Variants in MCC observed in about 807,000 individuals in gnomAD.
MCC encodes the protein MCC regulator of Wnt signaling pathway, also known as colorectal mutant cancer protein.
In MCC, 90 loss-of-function variants were observed where a neutral mutation model predicts 116.2. That is an observed-to-expected ratio of 0.77 (90% CI 0.65 to 0.92). The LOEUF is 0.92. MCC is among the 40% of genes least tolerant of loss of function. MCC has a pLI of 0.00. For missense variants in MCC, 1,516 were observed against 1,312.2 expected, an observed-to-expected ratio of 1.16 and a Z score of -2.40; for synonymous variants, 578 against 510.5, an observed-to-expected ratio of 1.13 and a Z score of -1.78.
intron 1 of MCC, among the ~76,000 whole-genome samples, chr5:113,407,391 G>C (rs963331553): frequency 6.6e-6 from 1 of 152,128 alleles, no homozygotes; most frequent in African/African-American, 2.4e-5. Context: ...TCCTACCTTT[G>C]CTATTTTCTA....
Position 113,023,250 on chromosome 5 carries a change from A to AG in MCC, c.*4051_*4052insC, listed in dbSNP as rs758389379. On this transcript the variant is annotated 3_prime_UTR_variant, in exon 19 of 19. Transcript: ENST00000408903. ...TGAACATAAGATTTGTAGGATGTGG[A>AG]TAAACTTTAAGAACTGGATAGTGAA... The AG allele has an allele frequency of 6.6e-6, 1 of 152,366 alleles. No individual in the cohort carries two copies. Among genetic ancestry groups the AG allele is most frequent in the Non-Finnish European group, 1.5e-5 (1 of 68,022 alleles). 9.4% of individuals were successfully genotyped at this position (152,366 alleles called of 1,614,324 possible).
chr5:113,026,459 G>C lies in MCC; in HGVS notation c.*843C>G, dbSNP rs1026281665. ...GTGCTAATAATGTTTCTCAGCTCTT[G>C]AAGAAACCCCTGACAGAATTTTAGT... On this transcript the variant is annotated 3_prime_UTR_variant, in exon 19 of 19. Transcript: ENST00000408903. 6.6e-6 allele frequency: 1 copy of C among 152,220 alleles called. No individual in the cohort carries two copies. Among genetic ancestry groups the C allele is most frequent in the African/African-American group, 2.4e-5 (1 of 41,452 alleles). 9.4% of individuals were successfully genotyped at this position (152,220 alleles called of 1,614,324 possible). A position where few individuals can be genotyped will look rare whatever the true frequency, so the allele number is the denominator to read the frequency against.
chr5:113,145,768 AC>A, intron 4 of MCC, among the ~76,000 whole-genome samples: 1 of 23,580 alleles, frequency 4.2e-5, no homozygotes, highest in South Asian at 1.5e-3. Flanking sequence ...ACACACACAC[AC>A]ACACACACAC....
chr5:113,227,571 T>C (rs1449240411), intron 3 of MCC, among the ~76,000 whole-genome samples: 1 of 152,224 alleles, frequency 6.6e-6, no homozygotes, highest in Non-Finnish European at 1.5e-5. Context: ...TGTACTTTAA[T>C]GATTTATAGA....
intron 6 of MCC, among the ~76,000 whole-genome samples, chr5:113,108,946 C>G (rs1307560041): frequency 1.3e-5 from 2 of 152,176 alleles, no homozygotes; most frequent in Non-Finnish European, 2.9e-5. Context: ...TGCTATTTTT[C>G]CCTGTTTGGA....
At chr5:113,260,893 A>G (rs1765197359) in intron 3 of MCC, among the ~76,000 whole-genome samples, 1 of 152,144 alleles carries the variant, frequency 6.6e-6, no homozygotes, top group Admixed American at 6.5e-5. Context: ...TGACAGCTCT[A>G]ATTTTATCAT....
At chr5:113,361,198 G>T in intron 2 of MCC, among the ~76,000 whole-genome samples, 1 of 149,484 alleles carries the variant, frequency 6.7e-6, no homozygotes, top group African/African-American at 2.5e-5. Flanking sequence ...ACGGTTATTA[G>T]TGCCTTATCT....
At chr5:113,255,880 G>A (rs1364300927) in intron 3 of MCC, among the ~76,000 whole-genome samples, 1 of 152,110 alleles carries the variant, frequency 6.6e-6, no homozygotes, top group Non-Finnish European at 1.5e-5. Context: ...TGCAAGCACA[G>A]CAAAGGGAGT....
intron 3 of MCC, among the ~76,000 whole-genome samples, chr5:113,205,551 A>G (rs1762880282): frequency 6.6e-6 from 1 of 152,254 alleles, no homozygotes; most frequent in Admixed American, 6.5e-5. Context: ...AGGAAACTTA[A>G]GCAATGCATT....
intron 5 of MCC, among the ~76,000 whole-genome samples, chr5:113,136,934 C>G (rs1758869204): frequency 6.6e-6 from 1 of 151,986 alleles, no homozygotes; most frequent in Admixed American, 6.6e-5. Flanking sequence ...TGTCTTATTC[C>G]AGTCTTTAGA....
intron 3 of MCC, among the ~76,000 whole-genome samples, chr5:113,151,971 T>C (rs912145045): frequency 1.3e-5 from 2 of 152,184 alleles, no homozygotes; most frequent in African/African-American, 2.4e-5. Flanking sequence ...ATTTATTTTC[T>C]TGTTGGGTCT....
intron 5 of MCC, among the ~76,000 whole-genome samples, chr5:113,141,069 G>C (rs961589207): frequency 2.0e-5 from 3 of 152,192 alleles, no homozygotes; most frequent in African/African-American, 7.2e-5. Flanking sequence ...CCATCCAACT[G>C]GCTAGGGGTC....
At chr5:113,065,818 T>C (rs1580970663) in intron 13 of MCC, among the ~76,000 whole-genome samples, 1 of 152,200 alleles carries the variant, frequency 6.6e-6, no homozygotes, top group African/African-American at 2.4e-5. Context: ...CACAGTATGA[T>C]GGGCCAGCCA....
chr5:113,078,286 T>C (rs1310711065), intron 11 of MCC, among the ~76,000 whole-genome samples: 1 of 152,160 alleles, frequency 6.6e-6, no homozygotes, highest in Non-Finnish European at 1.5e-5. Context: ...AAAGAGGGAA[T>C]CCTCCCTCAT....
intron 3 of MCC, among the ~76,000 whole-genome samples, chr5:113,223,656 G>A (rs1280615508): frequency 6.6e-6 from 1 of 152,160 alleles, no homozygotes; most frequent in Non-Finnish European, 1.5e-5. Context: ...AAGGGAAAGG[G>A]AGAGGGAGAA....
chr5:113,483,109 A>G (rs1772422077), intron 1 of MCC, among the ~76,000 whole-genome samples: 1 of 152,202 alleles, frequency 6.6e-6, no homozygotes, highest in South Asian at 2.1e-4. Context: ...TGGACTTTCA[A>G]TTCTATTCCA....
At chr5:113,052,913 C>A (rs1752580366) in intron 15 of MCC, among the ~76,000 whole-genome samples, 2 of 152,262 alleles carry the variant, frequency 1.3e-5, no homozygotes, top group South Asian at 4.2e-4. Context: ...ACAAAGACAC[C>A]CCTAGCTCAG....
chr5:113,201,201 C>T (rs1246749245), intron 3 of MCC, among the ~76,000 whole-genome samples: 3 of 152,054 alleles, frequency 2.0e-5, no homozygotes, highest in Admixed American at 6.5e-5. Context: ...GTCTGACCAA[C>T]ACGGAGAAAC....
At chr5:113,114,868 C>A (rs1032432072) in intron 6 of MCC, among the ~76,000 whole-genome samples, 1 of 152,148 alleles carries the variant, frequency 6.6e-6, no homozygotes, top group Admixed American at 6.5e-5. Flanking sequence ...CCCTTCAATT[C>A]TTCATACGAC....
Sources: gnomAD v4.1 joint callset for allele counts (sites outside exome capture counted in the v4.1 genomes callset) on GRCh38, gnomAD v4.1.1 for gene constraint, MANE v1.5 for transcripts, NCBI Gene and HGNC (gene_info 2026-07-23, HGNC 2026-07-21) for gene names.